Variants in EIPR1 observed in about 807,000 individuals in gnomAD.
EIPR1 encodes EARP complex and GARP complex interacting protein 1, also known as EARP and GARP complex-interacting protein 1.
A neutral mutation model predicts 48.1 loss-of-function variants in EIPR1; 25 were observed. The ratio of observed to expected loss-of-function variants is 0.52; its 90% confidence interval spans 0.38 to 0.73. EIPR1 has a LOEUF of 0.73. EIPR1 is among the 30% of genes least tolerant of loss of function. The probability of loss-of-function intolerance (pLI) is 0.00; values close to 1 mark genes in which losing one functional copy is unlikely to be tolerated. For missense variants in EIPR1, 415 were observed against 506.2 expected (o/e 0.82, Z 1.73); for synonymous variants, 204 against 201.9 (o/e 1.01, Z -0.09).
At chr2:3,227,346 G>A (rs576255518) in intron 4 of EIPR1, among the ~76,000 whole-genome samples, 1 of 152,168 alleles carries the variant, frequency 6.6e-6, no homozygotes, top group African/African-American at 2.4e-5. Flanking sequence ...CTGGAGTAAT[G>A]GTCACTTGCT....
chr2:3,283,944 T>TAAAAAAAAAAAAAAAAA (rs59593196), intron 3 of EIPR1, among the ~76,000 whole-genome samples: 2 of 92,880 alleles, frequency 2.2e-5, no homozygotes, highest in African/African-American at 4.5e-5. Context: ...AGACTACATC[T>TAAAAAAAAAAAAAAAAA]AAAAAAAAAA....
chr2:3,194,735 G>A (rs1664750398), intron 6 of EIPR1, among the ~76,000 whole-genome samples: 1 of 151,786 alleles, frequency 6.6e-6, no homozygotes, highest in Non-Finnish European at 1.5e-5. Flanking sequence ...GCAGGAAGGG[G>A]CCGGCTATCT....
intron 3 of EIPR1, among the ~76,000 whole-genome samples, chr2:3,333,464 G>T (rs1416861861): frequency 6.6e-6 from 1 of 152,152 alleles, no homozygotes; most frequent in African/African-American, 2.4e-5. Flanking sequence ...AAGGCCAGGT[G>T]TGGTGGCTCA....
chr2:3,260,994 C>T (rs1667317784), intron 3 of EIPR1, among the ~76,000 whole-genome samples: 1 of 152,136 alleles, frequency 6.6e-6, no homozygotes, highest in Admixed American at 6.5e-5. Flanking sequence ...ACCAGATGAC[C>T]CAATAATTCC....
chr2:3,268,554 C>A (rs1186394076), intron 3 of EIPR1, among the ~76,000 whole-genome samples: 1 of 152,190 alleles, frequency 6.6e-6, no homozygotes, highest in Non-Finnish European at 1.5e-5. Flanking sequence ...TTCTACCACA[C>A]TTAGCGCTTC....
chr2:3,260,352 A>G lies in EIPR1; in HGVS notation c.260-2897T>C, dbSNP rs192202951. On this transcript the variant is annotated intron_variant, in intron 3 of 8. Coordinates refer to ENST00000382125, the MANE Select transcript of EIPR1 (RefSeq NM_003310.5). ...CTAAACATATAAAAATTAGCTGGGC[A>G]TGGTGGTGGGCGCCTATAATCCCAG... Among the ~76,000 whole-genome samples, 4 of 152,168 alleles carry G rather than the reference A, an allele frequency of 2.6e-5. No homozygotes were observed. The East Asian group carries it at 5.8e-4, about 22-fold the overall frequency.
chr2:3,368,759 G>A (rs1671036669), intron 1 of EIPR1, among the ~76,000 whole-genome samples: 1 of 152,132 alleles, frequency 6.6e-6, no homozygotes, highest in African/African-American at 2.4e-5. Flanking sequence ...GATTTCTACT[G>A]AGCAGTAAAC....
At chr2:3,230,722 G>A (rs1365048188) in intron 4 of EIPR1, among the ~76,000 whole-genome samples, 1 of 152,104 alleles carries the variant, frequency 6.6e-6, no homozygotes, top group Non-Finnish European at 1.5e-5. Flanking sequence ...ATGTCAATTT[G>A]TAATTTCATA....
chr2:3,196,763 T>C (rs1264255410), intron 6 of EIPR1, 118 bp downstream of exon 6: 4 of 1,403,398 alleles, frequency 2.9e-6, no homozygotes, highest in South Asian at 1.5e-5. Flanking sequence ...AAAAACGAGA[T>C]AAAGACAAAC....
chr2:3,318,124 C>T lies in EIPR1; in HGVS notation c.259+19893G>A, dbSNP rs193193527. ...CTCTCTGCACCTCCAAGTGGAACCG[C>T]TGCCATGTCGAAACGGCTGTGGGCC... On this transcript the variant is annotated intron_variant, in intron 3 of 8. Transcript: ENST00000382125. Among the ~76,000 whole-genome samples, 147 of 152,386 alleles carry T rather than the reference C, an allele frequency of 9.6e-4. 1 individual carries two copies. Among genetic ancestry groups the T allele is most frequent in the Middle Eastern group, 3.4e-3 (1 of 294 alleles).
At chr2:3,257,248 C>G (rs1402588901) in intron 4 of EIPR1, 51 bp downstream of exon 4, 3 of 1,571,856 alleles carry the variant, frequency 1.9e-6, no homozygotes, top group Non-Finnish European at 2.6e-6. Context: ...GCTCCTGCAC[C>G]TGGCCAACCT....
chr2:3,222,048 C>CAAATG (rs1665912013), intron 4 of EIPR1, among the ~76,000 whole-genome samples: 1 of 151,424 alleles, frequency 6.6e-6, no homozygotes, highest in Non-Finnish European at 1.5e-5. Context: ...GGTACCAATT[C>CAAATG]CAAAGTGGTG....
intron 1 of EIPR1, among the ~76,000 whole-genome samples, chr2:3,372,470 T>C (rs1287415528): frequency 1.3e-5 from 2 of 151,576 alleles, no homozygotes; most frequent in South Asian, 2.1e-4. Flanking sequence ...ATCAACAAAA[T>C]TGATAGACCG....
intron 3 of EIPR1, among the ~76,000 whole-genome samples, chr2:3,318,546 C>T (rs1452785517): frequency 6.6e-6 from 1 of 152,154 alleles, no homozygotes; most frequent in Admixed American, 6.5e-5. Flanking sequence ...ACGCAAGAAA[C>T]AACACAGGAG....
intron 4 of EIPR1, among the ~76,000 whole-genome samples, chr2:3,251,827 C>T (rs1473981505): frequency 1.3e-5 from 2 of 152,214 alleles, no homozygotes; most frequent in Non-Finnish European, 2.9e-5. Context: ...GGAACAGAGA[C>T]AATTTCATAA....
intron 4 of EIPR1, among the ~76,000 whole-genome samples, chr2:3,246,178 T>C (rs904387816): frequency 3.9e-5 from 6 of 152,216 alleles, no homozygotes; most frequent in East Asian, 1.9e-4. Flanking sequence ...AATCATATCA[T>C]AGGGTCTCTG....
At chr2:3,215,768 G>A (rs1395244418) in intron 4 of EIPR1, among the ~76,000 whole-genome samples, 2 of 152,196 alleles carry the variant, frequency 1.3e-5, no homozygotes, top group Non-Finnish European at 2.9e-5. Context: ...GTCATCTCAA[G>A]ACTGTCTATG....
chr2:3,377,018 G>T (rs1659905894), intron 1 of EIPR1, among the ~76,000 whole-genome samples: 1 of 152,118 alleles, frequency 6.6e-6, no homozygotes, highest in Non-Finnish European at 1.5e-5. Flanking sequence ...GGGCTCATTC[G>T]GTTCATAGTC....
At chr2:3,302,975 TC>T (rs1369015435) in intron 3 of EIPR1, among the ~76,000 whole-genome samples, 1 of 152,190 alleles carries the variant, frequency 6.6e-6, no homozygotes, top group Non-Finnish European at 1.5e-5. Flanking sequence ...TCCGTTTTTT[TC>T]ATCTGTAAAA....
Sources: gnomAD v4.1 joint callset for allele counts (sites outside exome capture counted in the v4.1 genomes callset) on GRCh38, gnomAD v4.1.1 for gene constraint, MANE v1.5 for transcripts, NCBI Gene and HGNC (gene_info 2026-07-23, HGNC 2026-07-21) for gene names.